Variants in ARHGAP33 observed in about 807,000 individuals in gnomAD.
ARHGAP33 encodes Rho GTPase activating protein 33, also known as rho GTPase-activating protein 33.
ARHGAP33 carries 57 observed loss-of-function variants against 126.2 expected under a neutral mutation model. That is an observed-to-expected ratio of 0.45 (90% CI 0.36 to 0.56). ARHGAP33 has a LOEUF of 0.56. ARHGAP33 is among the 20% of genes least tolerant of loss of function. The pLI is 0.00. For missense variants in ARHGAP33, 1,500 were observed against 1,748.3 expected (o/e 0.86, Z 2.53); for synonymous variants, 711 against 755.0 (o/e 0.94, Z 0.95).
chr19:35,778,499 C>T lies in ARHGAP33; in HGVS notation c.306C>T (p.Asp102=). 2 of 1,614,232 alleles carry T rather than the reference C, an allele frequency of 1.2e-6. No individual in the cohort carries two copies. Among genetic ancestry groups the T allele is most frequent in the Non-Finnish European group, 1.7e-6 (2 of 1,180,040 alleles). Residue 102 remains aspartate (D), a synonymous_variant, in exon 5 of 21, where the codon GAC becomes GAT. Coordinates refer to ENST00000007510, the MANE Select transcript of ARHGAP33 (RefSeq NM_001366178.1). ...RSWPVLRSYD[D]FRSLDAHLHR... Reference sequence around the variant, plus strand: ...GGCCGGTTCTCCGGAGTTACGATGACTTTCGTTCCCTGGATGCCCACCTCC... The same window carrying T: ...GGCCGGTTCTCCGGAGTTACGATGATTTTCGTTCCCTGGATGCCCACCTCC...
At chr19:35,781,320 C>A in intron 12 of ARHGAP33, 68 bp downstream of exon 12, 1 of 1,488,912 alleles carries the variant, frequency 6.7e-7, no homozygotes, top group Non-Finnish European at 9.4e-7. Context: ...CAGCCCCGTG[C>A]TGCATGCTGG....
chr19:35,788,298 G>C lies in ARHGAP33; in HGVS notation c.3733G>C (p.Gly1245Arg), dbSNP rs765318855. 24 of 1,608,140 alleles carry C rather than the reference G, an allele frequency of 1.5e-5. No individual in the cohort carries two copies. Among genetic ancestry groups the C allele is most frequent in the East Asian group, 8.9e-5 (4 of 44,744 alleles). ...YRAAPPAYGRGGELHRGSLYR... is the reference protein window; with the variant it reads ...YRAAPPAYGRRGELHRGSLYR... ...GGCAGCCCCGCCAGCCTACGGAAGGGGGGGCGAGCTCCACCGAGGGTCCTT... is the reference window on the plus strand; with the variant it reads ...GGCAGCCCCGCCAGCCTACGGAAGGCGGGGCGAGCTCCACCGAGGGTCCTT... Residue 1245 changes from glycine (G) to arginine (R), a missense_variant, in exon 21 of 21, where the codon GGG becomes CGG. Coordinates refer to ENST00000007510, the MANE Select transcript of ARHGAP33 (RefSeq NM_001366178.1).
rs372314989 is a variant in ARHGAP33, at chr19:35,788,312, C to G, written c.3747C>G (p.His1249Gln). The G allele has an allele frequency of 6.2e-7, 1 of 1,609,028 alleles. No homozygotes were observed. The change falls in exon 21 of 21, where the codon CAC (histidine) becomes CAG (glutamine). Residue 1249 changes from histidine (H) to glutamine (Q), a missense_variant. Around this residue, in one of 6 missense-constraint regions of ARHGAP33, gnomAD observed 642 missense variants for 634.0 expected, o/e 1.01. Coordinates refer to ENST00000007510, the MANE Select transcript of ARHGAP33 (RefSeq NM_001366178.1). ...PPAYGRGGEL[H>Q]RGSLYRNGGQ... ...CCTACGGAAGGGGGGGCGAGCTCCACCGAGGGTCCTTGTACAGAAATGGAG... is the reference window on the plus strand; with the variant it reads ...CCTACGGAAGGGGGGGCGAGCTCCAGCGAGGGTCCTTGTACAGAAATGGAG...
rs747850141 is a variant in ARHGAP33, at chr19:35,788,350, A to T, written c.3785A>T (p.Glu1262Val). The change falls in exon 21 of 21, where the codon GAG (glutamate) becomes GTG (valine). Residue 1262 changes from glutamate to valine, a missense_variant. Physicochemically the swap from Glu to Val is moderately radical, Grantham distance 121. Transcript: ENST00000007510. ...TACAGAAATGGAGGGCAAAGAGGGG[A>T]GGGGGCTGGTCCCCCACCCCCTTAC... ...SLYRNGGQRG[E>V]GAGPPPPYPT... 1 of 1,604,078 alleles carries T rather than the reference A, an allele frequency of 6.2e-7. No individual in the cohort carries two copies. Among genetic ancestry groups the T allele is most frequent in the South Asian group, 1.1e-5 (1 of 89,970 alleles).
In ARHGAP33 at chr19:35,787,516, G is replaced by A. The variant is rs748846672; in HGVS notation, c.2951G>A (p.Arg984Gln). 7.4e-6 allele frequency: 12 copies of A among 1,612,098 alleles called. No homozygotes were observed. The highest frequency in any genetic ancestry group is 1.1e-5 in the South Asian group (1 of 91,072). ...GATGGGAGCCTGCTGAGGAGCCAGC[G>A]GCCCATGGGGACCTCAAGGAGGGGA... ...QSDGSLLRSQRPMGTSRRGLR... is the reference protein window; with the variant it reads ...QSDGSLLRSQQPMGTSRRGLR... The change falls in exon 21 of 21, where the codon CGG becomes CAG. Residue 984 changes from arginine to glutamine, a missense_variant. Physicochemically the swap from Arg to Gln is conservative, Grantham distance 43. Transcript: ENST00000007510.
In ARHGAP33 at chr19:35,787,667, C is replaced by A; in HGVS notation, c.3102C>A (p.Ser1034=). ...AGGTTCCTACCCCCGGCTTCTTCTC[C>A]CCAGCCCCCAGGGAGTGCCTGCCAC... The part of the protein sequence containing the change: ...PSQVPTPGFF[S]PAPRECLPPF... The change falls in exon 21 of 21, where the codon TCC becomes TCA. Residue 1034 remains serine, a synonymous_variant. Transcript: ENST00000007510. 6.3e-7 allele frequency: 1 copy of A among 1,593,740 alleles called. No homozygotes were observed. Among genetic ancestry groups the A allele is most frequent in the Admixed American group, 1.9e-5 (1 of 52,960 alleles).
At chr19:35,778,734 GAGA>G in intron 5 of ARHGAP33, 133 bp downstream of exon 5, 2 of 1,289,142 alleles carry the variant, frequency 1.6e-6, no homozygotes, top group Non-Finnish European at 2.1e-6. Flanking sequence ...TGAATGAATG[GAGA>G]AGCCTTAGAA....
At chr19:35,778,697 C>G (rs1439749047) in intron 5 of ARHGAP33, 96 bp downstream of exon 5, 2 of 1,457,458 alleles carry the variant, frequency 1.4e-6, no homozygotes, top group African/African-American at 1.4e-5. Context: ...TATTTAAATA[C>G]TGGTATGGCC....
rs937210289 is a variant in ARHGAP33 at position 35,782,504 on chromosome 19, A to G, written c.1217A>G (p.Tyr406Cys). 1.2e-5 allele frequency: 19 copies of G among 1,613,100 alleles called. No homozygotes were observed. Among genetic ancestry groups the G allele is most frequent in the Non-Finnish European group, 1.5e-5 (18 of 1,179,300 alleles). Reference sequence around the variant, plus strand: ...AACCCTCTGCTCACCTACCAGCTCTATGGGAAGTTCAGTGTGAGTAAGGGA... The same window carrying G: ...AACCCTCTGCTCACCTACCAGCTCTGTGGGAAGTTCAGTGTGAGTAAGGGA... ...LPNPLLTYQL[Y>C]GKFSEAMSVP... The change falls in exon 13 of 21, where the codon TAT becomes TGT. Residue 406 changes from tyrosine to cysteine, a missense_variant. This residue lies in a region of ARHGAP33 where 281 missense variants were observed against 413.7 expected (regional missense o/e 0.68). Transcript: ENST00000007510. The surrounding 1 kb of genome is among the most constrained non-coding windows in gnomAD (Gnocchi z 4.1).
At chr19:35,778,410 C>A (rs531034753) in intron 4 of ARHGAP33, 50 bp downstream of exon 4, 2 of 1,614,120 alleles carry the variant, frequency 1.2e-6, no homozygotes, top group East Asian at 4.5e-5. Context: ...CCACTGTAGT[C>A]CTCAGCTCGG....
intron 19 of ARHGAP33, chr19:35,785,713 T>C: frequency 7.2e-7 from 1 of 1,389,118 alleles, no homozygotes; most frequent in Non-Finnish European, 9.3e-7. Context: ...TTTAAAAGTC[T>C]TTATTATTCC....
In ARHGAP33 at chr19:35,785,044, G is replaced by T; in HGVS notation, c.1659G>T (p.Gln553His). Residue 553 changes from glutamine to histidine, a missense_variant, in exon 17 of 21, where the codon CAG becomes CAT. By Grantham distance (24) the Gln-to-His change is conservative. Around this residue, in one of 6 missense-constraint regions of ARHGAP33, gnomAD observed 300 missense variants for 291.1 expected, o/e 1.03. Transcript: ENST00000007510. ...TGGAGGAAGCCCAGGCACGCACCCA[G>T]GGCCGGCTGGGGACGCCCACGGAGC... is the stretch of plus-strand genomic sequence containing the variant. Reference protein sequence around the residue: ...LTLEEAQARTQGRLGTPTEPT... With the variant: ...LTLEEAQARTHGRLGTPTEPT... The T allele has an allele frequency of 6.4e-7, 1 of 1,554,048 alleles. No homozygotes were observed.
rs1163389906 is a variant in ARHGAP33, at chr19:35,778,583, G to T, written c.390G>T (p.Glu130Asp). 1 of 1,613,720 alleles carries T rather than the reference G, an allele frequency of 6.2e-7. No individual in the cohort carries two copies. The highest frequency in any genetic ancestry group is 1.7e-5 in the Admixed American group (1 of 59,964). The change falls in exon 5 of 21, where the codon GAG becomes GAT. Residue 130 changes from glutamate to aspartate, a missense_variant. Around this residue, in one of 6 missense-constraint regions of ARHGAP33, gnomAD observed 75 missense variants for 152.7 expected, o/e 0.49. Transcript: ENST00000007510. ...SCLPELPPPPEGARAAQMLVP... is the reference protein window; with the variant it reads ...SCLPELPPPPDGARAAQMLVP... ...TTCCGGAGCTTCCCCCGCCCCCCGA[G>T]GGTGCCAGGGCTGCCCAGGTAACCT...
intron 16 of ARHGAP33, chr19:35,784,638 G>T (rs1210395220): frequency 1.1e-5 from 4 of 376,492 alleles, no homozygotes; most frequent in African/African-American, 3.2e-5. Context: ...GCCCCACCCA[G>T]ACTCCCCGCC....
chr19:35,784,972 G>A lies in ARHGAP33; in HGVS notation c.1587G>A (p.Arg529=), dbSNP rs868742523. Residue 529 remains arginine, a synonymous_variant, in exon 17 of 21, where the codon AGG becomes AGA. Coordinates refer to ENST00000007510, the MANE Select transcript of ARHGAP33 (RefSeq NM_001366178.1). ...CCCCAGGCCGCTGCCTGCTCCCCAG[G>A]CCCAAGTCCCTTGCGGGCAGCTGCC... The part of the protein sequence containing the change: ...LDPAGRCLLP[R]PKSLAGSCPS... The A allele has an allele frequency of 6.5e-7, 1 of 1,543,548 alleles. No individual in the cohort carries two copies. Among genetic ancestry groups the A allele is most frequent in the Middle Eastern group, 2.2e-4 (1 of 4,456 alleles).
At chr19:35,783,924 A>G (rs1971944433) in intron 15 of ARHGAP33, among the ~76,000 whole-genome samples, 1 of 118,928 alleles carries the variant, frequency 8.4e-6, no homozygotes, top group Non-Finnish European at 1.7e-5. Flanking sequence ...TGATTGTGGG[A>G]GTTAAAGAGG....
At position 35,787,254 on chromosome 19, in the gene ARHGAP33, G is replaced by A; in HGVS notation, c.2689G>A (p.Ala897Thr). ...GAPPPPPKNP[A>T]RLMALALAER... ...CCCACCCCCGCCCCCTAAGAACCCA[G>A]CACGCCTCATGGCCCTGGCCCTGGC... The change falls in exon 21 of 21, where the codon GCA becomes ACA. Residue 897 changes from alanine to threonine, a missense_variant. This residue lies in a region of ARHGAP33 where 642 missense variants were observed against 634.0 expected (regional missense o/e 1.01). Coordinates refer to ENST00000007510, the MANE Select transcript of ARHGAP33 (RefSeq NM_001366178.1). 1 of 1,604,016 alleles carries A rather than the reference G, an allele frequency of 6.2e-7. No homozygotes were observed. The highest frequency in any genetic ancestry group is 8.5e-7 in the Non-Finnish European group (1 of 1,172,484).
At position 35,784,915 on chromosome 19, in the gene ARHGAP33, C is replaced by T. The variant is rs1297468166; in HGVS notation, c.1568-38C>T. 7 of 1,515,530 alleles carry T rather than the reference C, an allele frequency of 4.6e-6. 1 individual carries two copies. Among genetic ancestry groups the T allele is most frequent in the Middle Eastern group, 2.3e-4 (1 of 4,282 alleles). The allele number at this position is 1,515,530 out of a possible 1,614,324, so 93.9% of individuals were successfully genotyped here. Reference sequence around the variant, plus strand: ...GGCTTTGCCTGTGGCCTTGGGCGGCCCCAGAGCTGACAGCTGCCCCCTTTC... The same window carrying T: ...GGCTTTGCCTGTGGCCTTGGGCGGCTCCAGAGCTGACAGCTGCCCCCTTTC... On this transcript the variant is annotated intron_variant, in intron 16 of 20. Transcript: ENST00000007510.
rs764795382 is a variant in ARHGAP33 at position 35,787,398 on chromosome 19, G to A, written c.2833G>A (p.Gly945Arg). ...LSLEVGGEPL[G>R]TSGSGPPPNS... is the part of the protein sequence containing the mutation. Reference sequence around the variant, plus strand: ...TCTGGAGGTGGGCGGGGAGCCCCTGGGGACCTCAGGGAGTGGGCCACCTCC... The same window carrying A: ...TCTGGAGGTGGGCGGGGAGCCCCTGAGGACCTCAGGGAGTGGGCCACCTCC... The change falls in exon 21 of 21, where the codon GGG becomes AGG. Residue 945 changes from glycine to arginine, a missense_variant. By Grantham distance (125) the Gly-to-Arg change is moderately radical. This residue lies in a region of ARHGAP33 where 642 missense variants were observed against 634.0 expected (regional missense o/e 1.01). Coordinates refer to ENST00000007510, the MANE Select transcript of ARHGAP33 (RefSeq NM_001366178.1). The A allele has an allele frequency of 1.4e-5, 22 of 1,609,976 alleles. No homozygotes were observed. The Admixed American group carries it at 3.4e-4, about 25-fold the overall frequency.
Sources: allele counts gnomAD v4.1 joint callset (sites outside exome capture counted in the v4.1 genomes callset), GRCh38; gene constraint gnomAD v4.1.1; regional missense constraint gnomAD v4.1.1; non-coding constraint Gnocchi (gnomAD v3.1); transcripts MANE v1.5; gene names NCBI Gene and HGNC (gene_info 2026-07-23, HGNC 2026-07-21).